Variants in QTMAN observed in about 807,000 individuals in gnomAD.
QTMAN encodes the protein queuosine-tRNA mannosyltransferase.
chr2:143,970,457 C>T, the QTMAN span, among the ~76,000 whole-genome samples: 14 of 152,104 alleles, frequency 9.2e-5, no homozygotes, highest in East Asian at 1.9e-4. Flanking sequence ...GATGACTTCA[C>T]GTTCTCAACT....
chr2:144,251,938 G>C, the QTMAN span, among the ~76,000 whole-genome samples: 1 of 152,152 alleles, frequency 6.6e-6, no homozygotes, highest in Non-Finnish European at 1.5e-5. Context: ...GCTCACACTT[G>C]TAATCCCAGC....
chr2:144,264,976 T>C, the QTMAN span, among the ~76,000 whole-genome samples: 102 of 152,330 alleles, frequency 6.7e-4, no homozygotes, highest in African/African-American at 2.3e-3. Flanking sequence ...ATTAATAACT[T>C]GGCTTCCCAA....
At chr2:144,205,631 C>T in the QTMAN span, among the ~76,000 whole-genome samples, 15 of 152,112 alleles carry the variant, frequency 9.9e-5, no homozygotes, top group Non-Finnish European at 1.9e-4. Context: ...TGTCACAATA[C>T]CTCAGATGAA....
the QTMAN span, among the ~76,000 whole-genome samples, chr2:144,198,207 G>C: frequency 1.3e-5 from 2 of 151,568 alleles, no homozygotes; most frequent in Non-Finnish European, 2.9e-5. Flanking sequence ...AATAGAGCAA[G>C]ACTTTGTTTA....
the QTMAN span, among the ~76,000 whole-genome samples, chr2:144,258,548 T>C: frequency 6.6e-6 from 1 of 152,192 alleles, no homozygotes; most frequent in Non-Finnish European, 1.5e-5. Flanking sequence ...GGCAAAGATA[T>C]GAAATCCAGT....
the QTMAN span, among the ~76,000 whole-genome samples, chr2:143,992,789 A>T: frequency 6.6e-6 from 1 of 152,154 alleles, no homozygotes; most frequent in Admixed American, 6.5e-5. Context: ...AAAGAGGTAG[A>T]TATGTGGGTA....
chr2:143,991,498 C>T, the QTMAN span, among the ~76,000 whole-genome samples: 7 of 141,866 alleles, frequency 4.9e-5, no homozygotes, highest in Non-Finnish European at 9.2e-5. Context: ...TCTGCCCGGC[C>T]ACCCCTACTG....
the QTMAN span, among the ~76,000 whole-genome samples, chr2:143,959,618 TA>T: frequency 2.6e-5 from 4 of 152,128 alleles, no homozygotes; most frequent in African/African-American, 9.7e-5. Context: ...GTTTTGTCAT[TA>T]CAGTGATAAT....
the QTMAN span, chr2:144,007,390 C>T: frequency 1.9e-6 from 3 of 1,613,218 alleles, no homozygotes; most frequent in Non-Finnish European, 2.5e-6. Flanking sequence ...CAGTGTGTAT[C>T]ACACTCTGAA....
chr2:143,973,746 G>A, the QTMAN span, among the ~76,000 whole-genome samples: 54 of 149,754 alleles, frequency 3.6e-4, no homozygotes, highest in Middle Eastern at 3.4e-3. Flanking sequence ...TCGAGATCGC[G>A]CCACTGCACT....
chr2:144,326,997 G>A, the QTMAN span, among the ~76,000 whole-genome samples: 2 of 152,076 alleles, frequency 1.3e-5, no homozygotes, highest in Non-Finnish European at 2.9e-5. Flanking sequence ...CTTTTGCTAC[G>A]ACGTGGGTGT....
At chr2:144,096,159 G>A in the QTMAN span, among the ~76,000 whole-genome samples, 1 of 152,168 alleles carries the variant, frequency 6.6e-6, no homozygotes, top group Non-Finnish European at 1.5e-5. Context: ...CTTTTGAACA[G>A]AGGAGTCATA....
At chr2:143,966,437 T>C in the QTMAN span, among the ~76,000 whole-genome samples, 3 of 152,214 alleles carry the variant, frequency 2.0e-5, no homozygotes, top group South Asian at 2.1e-4. Context: ...TCACAGAACA[T>C]GTCTACTTCA....
At chr2:144,265,099 C>A in the QTMAN span, among the ~76,000 whole-genome samples, 18 of 152,296 alleles carry the variant, frequency 1.2e-4, no homozygotes, top group South Asian at 3.3e-3. Flanking sequence ...GACACACTGA[C>A]AAACATATAT....
chr2:144,117,114 A>G, the QTMAN span, among the ~76,000 whole-genome samples: 6 of 152,156 alleles, frequency 3.9e-5, no homozygotes, highest in Non-Finnish European at 8.8e-5. Context: ...TCAGTAATAA[A>G]TGCCCATTCC....
At chr2:144,182,913 AT>A in the QTMAN span, among the ~76,000 whole-genome samples, 676 of 103,952 alleles carry the variant, frequency 6.5e-3, 5 homozygotes, top group African/African-American at 0.023. Context: ...ATATATATAT[AT>A]AAAATATGAG....
At chr2:143,947,491 T>C in the QTMAN span, among the ~76,000 whole-genome samples, 1 of 152,190 alleles carries the variant, frequency 6.6e-6, no homozygotes, top group Admixed American at 6.5e-5. Flanking sequence ...CACGTAACAC[T>C]GTACATACAA....
the QTMAN span, among the ~76,000 whole-genome samples, chr2:144,132,036 AATATTCAGGTGAAT>A: frequency 1.3e-5 from 2 of 151,886 alleles, no homozygotes; most frequent in Non-Finnish European, 2.9e-5. Flanking sequence ...AACATGCCTG[AATATTCAGGTGAAT>A]ATATTCAGGT....
the QTMAN span, chr2:144,141,996 G>T: frequency 6.2e-7 from 1 of 1,610,126 alleles, no homozygotes; most frequent in Non-Finnish European, 8.5e-7. Flanking sequence ...TTTTCCCATG[G>T]AAGTGAGAAA....
Sources: gnomAD v4.1 joint callset for allele counts (sites outside exome capture counted in the v4.1 genomes callset) on GRCh38, gnomAD v4.1.1 for gene constraint, MANE v1.5 for transcripts, NCBI Gene and HGNC (gene_info 2026-07-23, HGNC 2026-07-21) for gene names.